The following BACE2 variants were observed in gnomAD, a reference collection of about 807,000 sequenced individuals.
BACE2 encodes 56 kDa aspartic-like protease.
Under a neutral mutation model 46.2 loss-of-function variants are expected in BACE2, and 17 were observed. That is an observed-to-expected ratio of 0.37 (90% CI 0.25 to 0.55). BACE2 has a LOEUF of 0.55. Ranked by LOEUF, BACE2 falls within the 20% of genes least tolerant of loss-of-function variation. The pLI, the probability that BACE2 is intolerant of heterozygous loss-of-function variation, is 0.82. For synonymous variants in BACE2, 277 were observed against 295.9 expected (o/e 0.94, Z 0.66); for missense variants, 595 against 698.1 (o/e 0.85, Z 1.66).
intron 6 of BACE2, among the ~76,000 whole-genome samples, chr21:41,246,858 G>C (rs1156616705): frequency 3.3e-5 from 5 of 152,156 alleles, no homozygotes; most frequent in Non-Finnish European, 5.9e-5. Flanking sequence ...GAGAGCCTCC[G>C]TCTTCTCAAC....
intron 1 of BACE2, among the ~76,000 whole-genome samples, chr21:41,222,565 C>T (rs1986691452): frequency 6.6e-6 from 1 of 152,168 alleles, no homozygotes; most frequent in African/African-American, 2.4e-5. Context: ...CAGGGCATGG[C>T]GAGTGACTCA....
chr21:41,179,061 G>C, intron 1 of BACE2: 1 of 1,145,040 alleles, frequency 8.7e-7, no homozygotes, highest in Non-Finnish European at 1.1e-6. Flanking sequence ...GGGAGGTGAA[G>C]ACTTGAGGGT....
intron 8 of BACE2, among the ~76,000 whole-genome samples, chr21:41,273,032 G>A (rs753439430): frequency 6.6e-6 from 1 of 152,198 alleles, no homozygotes; most frequent in Non-Finnish European, 1.5e-5. Flanking sequence ...GACATCACAT[G>A]TCGGCAGGTT....
intron 1 of BACE2, among the ~76,000 whole-genome samples, chr21:41,196,139 A>G (rs1418387562): frequency 6.6e-6 from 1 of 152,008 alleles, no homozygotes; most frequent in African/African-American, 2.4e-5. Context: ...AATAAAAATA[A>G]AAATAAAAAT....
Position 41,193,231 on chromosome 21 carries a change from A to C in BACE2, c.312+24656A>C, listed in dbSNP as rs552822190. ...GTAAAGGTGTATTGCCGGCCTTGCC[A>C]GCGGAAGGCAAATTGCTTCTGGTGG... On this transcript the variant is annotated intron_variant, in intron 1 of 8. Transcript: ENST00000330333. The surrounding 1 kb of genome is among the most constrained non-coding windows in gnomAD (Gnocchi z 4.2). Among the ~76,000 whole-genome samples the C allele has an allele frequency of 3.5e-4, 53 of 152,204 alleles. No individual in the cohort carries two copies. The highest frequency in any genetic ancestry group is 6.9e-4 in the Non-Finnish European group (47 of 68,034).
At chr21:41,241,974 C>G in intron 4 of BACE2, 27 bp downstream of exon 4, 1 of 1,608,172 alleles carries the variant, frequency 6.2e-7, no homozygotes, top group South Asian at 1.1e-5. Flanking sequence ...CTTAAAGGGG[C>G]GAAAAATCAC....
chr21:41,244,608 A>G (rs1987407733), intron 5 of BACE2, among the ~76,000 whole-genome samples: 1 of 150,890 alleles, frequency 6.6e-6, no homozygotes. Flanking sequence ...GGAACCGGCC[A>G]TTTTCACTTC....
intron 1 of BACE2, among the ~76,000 whole-genome samples, chr21:41,223,305 A>G (rs1427161153): frequency 6.6e-6 from 1 of 151,162 alleles, no homozygotes; most frequent in Non-Finnish European, 1.5e-5. Flanking sequence ...ACAGCAAGTG[A>G]TGATTGTGCT....
intron 5 of BACE2, among the ~76,000 whole-genome samples, chr21:41,243,750 AATG>A (rs1372656110): frequency 1.3e-5 from 2 of 152,204 alleles, no homozygotes; most frequent in African/African-American, 2.4e-5. Context: ...ATTACCATTA[AATG>A]GTGAGTGAAG....
At chr21:41,272,566 A>G (rs1232166594) in intron 8 of BACE2, among the ~76,000 whole-genome samples, 10 of 151,660 alleles carry the variant, frequency 6.6e-5, no homozygotes, top group Admixed American at 6.6e-4. Flanking sequence ...TGCAGTGTAT[A>G]ATCTGCTCTT....
At chr21:41,260,546 A>G (rs987615389) in intron 8 of BACE2, among the ~76,000 whole-genome samples, 1 of 152,204 alleles carries the variant, frequency 6.6e-6, no homozygotes, top group Non-Finnish European at 1.5e-5. Flanking sequence ...AGTCCATTGT[A>G]GGAGCTGGTT....
intron 1 of BACE2, among the ~76,000 whole-genome samples, chr21:41,195,353 G>A (rs1985699693): frequency 6.6e-6 from 1 of 152,250 alleles, no homozygotes; most frequent in Non-Finnish European, 1.5e-5. Context: ...TCTGTGTCAG[G>A]AAGCTGCAGA....
chr21:41,257,053 A>AC (rs1987804964), intron 7 of BACE2, 105 bp from the exon 8 acceptor site: 3 of 1,291,590 alleles, frequency 2.3e-6, no homozygotes, highest in Non-Finnish European at 3.3e-6. Flanking sequence ...GACTCCCCCC[A>AC]GCGCCTGGGA....
At chr21:41,267,664 T>C (rs2123645468) in intron 8 of BACE2, among the ~76,000 whole-genome samples, 1 of 152,272 alleles carries the variant, frequency 6.6e-6, no homozygotes, top group East Asian at 1.9e-4. Context: ...TGCCATCTAC[T>C]TAGACTACAA....
At chr21:41,229,413 G>A (rs777463139) in intron 2 of BACE2, among the ~76,000 whole-genome samples, 4 of 152,210 alleles carry the variant, frequency 2.6e-5, no homozygotes, top group African/African-American at 7.2e-5. Context: ...TGACTTTCCA[G>A]ATTTAAAGGG....
intron 1 of BACE2, among the ~76,000 whole-genome samples, chr21:41,219,919 C>G (rs928670816): frequency 6.6e-6 from 1 of 152,214 alleles, no homozygotes; most frequent in Non-Finnish European, 1.5e-5. Flanking sequence ...AGTTCAGTTC[C>G]TACACTGTCT....
At chr21:41,206,872 GTAACT>G (rs200144210) in intron 1 of BACE2, among the ~76,000 whole-genome samples, 3,952 of 149,026 alleles carry the variant, frequency 0.027, 169 homozygotes, top group African/African-American at 0.095. Context: ...ATAAATTGCA[GTAACT>G]TAAAAGTCTT....
intron 1 of BACE2, 36 bp from the exon 2 acceptor site, chr21:41,226,230 G>A (rs1201965826): frequency 1.3e-6 from 2 of 1,525,186 alleles, no homozygotes; most frequent in South Asian, 2.4e-5. Flanking sequence ...ATAACTTGAT[G>A]CTTTCTATTT....
At chr21:41,210,544 C>A (rs947416502) in intron 1 of BACE2, among the ~76,000 whole-genome samples, 1 of 152,156 alleles carries the variant, frequency 6.6e-6, no homozygotes, top group Non-Finnish European at 1.5e-5. Context: ...CTCACCGGCC[C>A]GGAGATCAGC....
Sources: gnomAD v4.1 joint callset for allele counts (sites outside exome capture counted in the v4.1 genomes callset) on GRCh38, gnomAD v4.1.1 for gene constraint, Gnocchi (gnomAD v3.1) non-coding constraint, MANE v1.5 for transcripts, NCBI Gene and HGNC (gene_info 2026-07-23, HGNC 2026-07-21) for gene names.